The following NOVA1 variants were observed in gnomAD, a reference collection of about 807,000 sequenced individuals.
The protein encoded by NOVA1 is RNA-binding protein Nova-1.
Under a neutral mutation model 38.0 loss-of-function variants are expected in NOVA1, and 7 were observed. That is an observed-to-expected ratio of 0.18 (90% CI 0.10 to 0.35). The LOEUF (loss-of-function observed/expected upper bound fraction) is 0.35, where lower values mean the gene tolerates loss of function less well. NOVA1 is among the 10% of genes least tolerant of loss of function. The pLI is 1.00. For synonymous variants in NOVA1, 270 were observed against 232.5 expected (o/e 1.16, Z -1.47); for missense variants, 460 against 616.0 (o/e 0.75, Z 2.68).
At position 26,594,866 on chromosome 14, in the gene NOVA1, C is replaced by T. The variant is rs373013772; in HGVS notation, c.280+544G>A. Among the ~76,000 whole-genome samples, 54 of 152,148 alleles carry T rather than the reference C, an allele frequency of 3.5e-4. 1 individual carries two copies. The South Asian group carries it at 0.01, about 29-fold the overall frequency. On this transcript the variant is annotated intron_variant, in intron 2 of 4. Coordinates refer to ENST00000539517, the MANE Select transcript of NOVA1 (RefSeq NM_002515.3). ...ACTTCTTGCATAACAGTATAAATTT[C>T]CTTATATCAATTGCATTAAAACTGC...
chr14:26,529,522 G>A (rs1228428579), intron 2 of NOVA1, among the ~76,000 whole-genome samples: 2 of 152,152 alleles, frequency 1.3e-5, no homozygotes, highest in East Asian at 1.9e-4. Flanking sequence ...CTATCATGAT[G>A]CTCCAGCAAT....
intron 2 of NOVA1, among the ~76,000 whole-genome samples, chr14:26,557,018 G>A (rs1202517453): frequency 6.6e-6 from 1 of 152,114 alleles, no homozygotes; most frequent in African/African-American, 2.4e-5. Context: ...TCCTTGGCTT[G>A]TAGATGGCAG....
intron 2 of NOVA1, among the ~76,000 whole-genome samples, chr14:26,517,468 C>T (rs1166859498): frequency 6.6e-6 from 1 of 152,096 alleles, no homozygotes; most frequent in African/African-American, 2.4e-5. Context: ...GGAACTTTCA[C>T]AGATTCTGTT....
chr14:26,486,570 G>A (rs74893691), intron 2 of NOVA1, among the ~76,000 whole-genome samples: 6,220 of 151,136 alleles, frequency 0.041, 190 homozygotes, highest in South Asian at 0.097. Context: ...TTAGCCAGGC[G>A]TGGTGGTGGG....
intron 2 of NOVA1, among the ~76,000 whole-genome samples, chr14:26,529,920 T>C (rs1039010288): frequency 1.3e-5 from 2 of 152,086 alleles, no homozygotes; most frequent in African/African-American, 4.8e-5. Flanking sequence ...TAATAAACTA[T>C]CTGAATCTAA....
chr14:26,517,512 TAA>T (rs1302549236), intron 2 of NOVA1, among the ~76,000 whole-genome samples: 6 of 152,300 alleles, frequency 3.9e-5, no homozygotes, highest in African/African-American at 1.4e-4. Flanking sequence ...GAACATGTAA[TAA>T]GAGTTCATTA....
chr14:26,576,898 A>G (rs1170731431), intron 2 of NOVA1, among the ~76,000 whole-genome samples: 2 of 151,948 alleles, frequency 1.3e-5, no homozygotes, highest in Admixed American at 1.3e-4. Context: ...CTCTCTTAGT[A>G]CATTTTAGTA....
rs913031322 is a variant in NOVA1, at chr14:26,444,614, A to G, written c.*3345T>C. 8 of 152,140 alleles carry G rather than the reference A, an allele frequency of 5.3e-5. No homozygotes were observed. The highest frequency in any genetic ancestry group is 8.8e-5 in the Non-Finnish European group (6 of 68,018). The allele number at this position is 152,140 out of a possible 1,614,324, so 9.4% of individuals were successfully genotyped here. Reference sequence around the variant, plus strand: ...AGGTTAGAATTTATCTTTGTTTCTAATCATTCAATGAGAAAATGACTTCCA... The same window carrying G: ...AGGTTAGAATTTATCTTTGTTTCTAGTCATTCAATGAGAAAATGACTTCCA... On this transcript the variant is annotated 3_prime_UTR_variant, in exon 5 of 5. Transcript: ENST00000539517.
chr14:26,522,242 G>A (rs1467190019), intron 2 of NOVA1, among the ~76,000 whole-genome samples: 1 of 152,076 alleles, frequency 6.6e-6, no homozygotes, highest in African/African-American at 2.4e-5. Flanking sequence ...TTAGGCAGAA[G>A]CTCAACTGCA....
intron 4 of NOVA1, 122 bp downstream of exon 4, chr14:26,472,198 T>C: frequency 1.6e-6 from 1 of 638,676 alleles, no homozygotes; most frequent in Non-Finnish European, 2.9e-6. Context: ...TTATTTGGAA[T>C]CTGACTATGG....
At chr14:26,481,876 C>G (rs1486631088) in intron 2 of NOVA1, among the ~76,000 whole-genome samples, 2 of 150,920 alleles carry the variant, frequency 1.3e-5, no homozygotes, top group Non-Finnish European at 2.9e-5. Flanking sequence ...ACAAAGTGTT[C>G]TTATCCAGGT....
intron 2 of NOVA1, among the ~76,000 whole-genome samples, chr14:26,573,580 A>G (rs1005503023): frequency 2.6e-5 from 4 of 152,300 alleles, no homozygotes; most frequent in East Asian, 1.9e-4. Context: ...AATGATTCCT[A>G]AAAAGAATAG....
intron 2 of NOVA1, among the ~76,000 whole-genome samples, chr14:26,497,864 A>G (rs1886934143): frequency 6.6e-6 from 1 of 152,194 alleles, no homozygotes; most frequent in African/African-American, 2.4e-5. Flanking sequence ...TCAAACCCAG[A>G]CATACCAGGA....
At chr14:26,586,824 G>A (rs1893543367) in intron 2 of NOVA1, among the ~76,000 whole-genome samples, 1 of 149,938 alleles carries the variant, frequency 6.7e-6, no homozygotes, top group Non-Finnish European at 1.5e-5. Context: ...TGACCAAAGA[G>A]CATCCTGCCT....
intron 4 of NOVA1, chr14:26,470,600 A>G (rs1884512959): frequency 1.3e-6 from 1 of 764,864 alleles, no homozygotes; most frequent in African/African-American, 1.7e-5. Flanking sequence ...CAAAATTTAG[A>G]TTTGGCAAGG....
chr14:26,444,790 A>C lies in NOVA1; in HGVS notation c.*3169T>G, dbSNP rs987212775. 1 of 152,058 alleles carries C rather than the reference A, an allele frequency of 6.6e-6. No homozygotes were observed. The highest frequency in any genetic ancestry group is 1.5e-5 in the Non-Finnish European group (1 of 68,026). The allele number at this position is 152,058 out of a possible 1,614,324, so 9.4% of individuals were successfully genotyped here. On this transcript the variant is annotated 3_prime_UTR_variant, in exon 5 of 5. Coordinates refer to ENST00000539517, the MANE Select transcript of NOVA1 (RefSeq NM_002515.3). The stretch of plus-strand genomic sequence containing the variant: ...GCAGCCGTTTAAAAAGTCTAGGTGC[A>C]ATGTTGTGGTGCTGAAAGAAAAGCT...
intron 2 of NOVA1, among the ~76,000 whole-genome samples, chr14:26,494,281 T>C (rs1353238338): frequency 6.6e-6 from 1 of 152,200 alleles, no homozygotes; most frequent in Non-Finnish European, 1.5e-5. Flanking sequence ...TTATGTCCTA[T>C]GGAGCAGGTA....
intron 2 of NOVA1, among the ~76,000 whole-genome samples, chr14:26,520,434 T>C (rs1246785621): frequency 6.6e-6 from 1 of 152,182 alleles, no homozygotes; most frequent in Non-Finnish European, 1.5e-5. Context: ...ATCATTTCCT[T>C]CTGGCACTTA....
chr14:26,542,570 C>T (rs1890529261), intron 2 of NOVA1, among the ~76,000 whole-genome samples: 1 of 151,508 alleles, frequency 6.6e-6, no homozygotes, highest in Non-Finnish European at 1.5e-5. Flanking sequence ...AACTTTACTC[C>T]CAATAAATAT....
Sources: gnomAD v4.1 joint callset for allele counts (sites outside exome capture counted in the v4.1 genomes callset) on GRCh38, gnomAD v4.1.1 for gene constraint, MANE v1.5 for transcripts, NCBI Gene and HGNC (gene_info 2026-07-23, HGNC 2026-07-21) for gene names.